The following PCDH15 variants were observed in gnomAD, a reference collection of about 807,000 sequenced individuals.
PCDH15 encodes the protein protocadherin related 15.
Under a neutral mutation model 178.5 loss-of-function variants are expected in PCDH15, and 129 were observed. That is an observed-to-expected ratio of 0.72 (90% CI 0.63 to 0.84). The LOEUF (loss-of-function observed/expected upper bound fraction) is 0.84, where lower values mean the gene tolerates loss of function less well. Among genes scored for constraint, PCDH15 ranks in the 40% least tolerant of loss-of-function variants. The pLI is 0.00. For synonymous variants in PCDH15, 800 were observed against 732.0 expected (o/e 1.09, Z -1.50); for missense variants, 2,230 against 2,099.9 (o/e 1.06, Z -1.21).
intron 1 of PCDH15, among the ~76,000 whole-genome samples, chr10:55,212,680 G>A (rs781345924): frequency 2.6e-5 from 4 of 152,030 alleles, no homozygotes; most frequent in African/African-American, 9.7e-5. Flanking sequence ...TAGATTCCGG[G>A]AAGCTCTGGG....
Position 54,827,957 on chromosome 10 carries a change from T to C in PCDH15, c.-29+69493A>G, listed in dbSNP as rs59785552. Among the ~76,000 whole-genome samples the C allele has an allele frequency of 3.7e-3, 561 of 152,154 alleles. 1 individual carries two copies. The highest frequency in any genetic ancestry group is 0.013 in the African/African-American group (539 of 41,546). ...TTATATACCAACATATATGTAATCT[T>C]ACATTATATACATAGATATGCAATC... On this transcript the variant is annotated intron_variant, in intron 3 of 5. Transcript: ENST00000458638.
At chr10:55,327,643 T>C (rs1379146520) in intron 2 of PCDH15, among the ~76,000 whole-genome samples, 1 of 152,068 alleles carries the variant, frequency 6.6e-6, no homozygotes, top group East Asian at 1.9e-4. Flanking sequence ...ATCAGCATAA[T>C]GTCTGATATA....
At chr10:53,812,579 G>T (rs1014976612) in intron 35 of PCDH15, among the ~76,000 whole-genome samples, 1 of 152,062 alleles carries the variant, frequency 6.6e-6, no homozygotes, top group East Asian at 1.9e-4. Flanking sequence ...AATATTTCCA[G>T]TTCTAAACTC....
chr10:53,992,869 C>T (rs2091618998), intron 21 of PCDH15, among the ~76,000 whole-genome samples: 1 of 152,146 alleles, frequency 6.6e-6, no homozygotes, highest in Admixed American at 6.6e-5. Flanking sequence ...TATGTTTTTC[C>T]TCCCTCTGGA....
At chr10:53,975,426 C>G (rs1277604336) in intron 21 of PCDH15, among the ~76,000 whole-genome samples, 2 of 152,042 alleles carry the variant, frequency 1.3e-5, no homozygotes, top group Non-Finnish European at 2.9e-5. Context: ...TTTTTTCCCC[C>G]CATAACCTCA....
At chr10:55,483,456 T>TA (rs1430156005) in intron 2 of PCDH15, among the ~76,000 whole-genome samples, 1 of 151,424 alleles carries the variant, frequency 6.6e-6, no homozygotes, top group Non-Finnish European at 1.5e-5. Context: ...TCATTAAAAA[T>TA]AAAAAAATAA....
intron 15 of PCDH15, among the ~76,000 whole-genome samples, chr10:54,119,187 C>T (rs2095170653): frequency 6.6e-6 from 1 of 151,946 alleles, no homozygotes; most frequent in Admixed American, 6.6e-5. Flanking sequence ...TAATATAAAA[C>T]ATGGATTGCA....
At position 54,744,317 on chromosome 10, in the gene PCDH15, C is replaced by G. The variant is rs373685902; in HGVS notation, c.-29+56608G>C. ...AGATATTCAGAAACAGAGGATGCAA[C>G]TAAGCATTGTTTTAATTTCTGACCC... On this transcript the variant is annotated intron_variant, in intron 1 of 37. Transcript: ENST00000644397. Among the ~76,000 whole-genome samples the G allele has an allele frequency of 1.7e-4, 26 of 152,186 alleles. 1 individual carries two copies. Among genetic ancestry groups the G allele is most frequent in the Admixed American group, 1.6e-3 (25 of 15,250 alleles).
intron 1 of PCDH15, among the ~76,000 whole-genome samples, chr10:54,692,856 C>T (rs778998110): frequency 2.1e-4 from 32 of 152,070 alleles, no homozygotes; most frequent in Non-Finnish European, 3.1e-4. Context: ...AAAATAAATA[C>T]TCAAGTAAAT....
At chr10:54,301,454 A>T (rs2060144651) in intron 8 of PCDH15, among the ~76,000 whole-genome samples, 1 of 151,700 alleles carries the variant, frequency 6.6e-6, no homozygotes, top group Non-Finnish European at 1.5e-5. Context: ...TGGAAAACAA[A>T]CTCTCAGGTA....
chr10:54,236,973 A>G, intron 8 of PCDH15, 42 bp from the exon 9 acceptor site: 3 of 1,452,240 alleles, frequency 2.1e-6, no homozygotes, highest in Non-Finnish European at 2.9e-6. Flanking sequence ...CCGCATTACT[A>G]ATACTTCATG....
chr10:54,942,389 A>T (rs1838085698), intron 2 of PCDH15, among the ~76,000 whole-genome samples: 1 of 151,926 alleles, frequency 6.6e-6, no homozygotes, highest in African/African-American at 2.4e-5. Flanking sequence ...ATATCCAGAG[A>T]CTTTAAATTG....
At chr10:53,995,408 G>A in intron 21 of PCDH15, 1 of 570,570 alleles carries the variant, frequency 1.8e-6, no homozygotes, top group Non-Finnish European at 3.0e-6. Flanking sequence ...AGATAAATTA[G>A]TAATTAGTAC....
intron 2 of PCDH15, among the ~76,000 whole-genome samples, chr10:54,539,019 G>A (rs1372460356): frequency 6.6e-6 from 1 of 152,158 alleles, no homozygotes; most frequent in Non-Finnish European, 1.5e-5. Flanking sequence ...AGAGATTATG[G>A]CAATTTTAAC....
intron 1 of PCDH15, among the ~76,000 whole-genome samples, chr10:54,700,482 C>T (rs543162700): frequency 2.0e-4 from 30 of 152,088 alleles, no homozygotes; most frequent in African/African-American, 7.2e-4. Flanking sequence ...TACAACAATA[C>T]AAGAACTGAA....
At chr10:54,361,573 C>A (rs529211343) in intron 5 of PCDH15, among the ~76,000 whole-genome samples, 1 of 151,790 alleles carries the variant, frequency 6.6e-6, no homozygotes, top group African/African-American at 2.4e-5. Context: ...AAACTAAGTC[C>A]ATTAGAAATT....
At chr10:54,071,483 T>TTTAC (rs2094241850) in intron 17 of PCDH15, among the ~76,000 whole-genome samples, 2 of 152,144 alleles carry the variant, frequency 1.3e-5, no homozygotes, top group African/African-American at 4.8e-5. Context: ...TGCATTTTTT[T>TTTAC]ATCATTTAAT....
At chr10:54,607,214 GA>G in intron 2 of PCDH15, among the ~76,000 whole-genome samples, 2 of 151,972 alleles carry the variant, frequency 1.3e-5, no homozygotes, top group African/African-American at 4.8e-5. Context: ...TTTACATAAA[GA>G]AAATACAATA....
intron 2 of PCDH15, among the ~76,000 whole-genome samples, chr10:55,382,593 C>T (rs756333802): frequency 2.6e-5 from 4 of 152,140 alleles, no homozygotes; most frequent in Non-Finnish European, 4.4e-5. Flanking sequence ...CAGTGAGACA[C>T]GTGTTGGATT....
Sources: gnomAD v4.1 joint callset for allele counts (sites outside exome capture counted in the v4.1 genomes callset) on GRCh38, gnomAD v4.1.1 for gene constraint, MANE v1.5 for transcripts, NCBI Gene and HGNC (gene_info 2026-07-23, HGNC 2026-07-21) for gene names.